CA8: variants seen among roughly 807,000 people sequenced by gnomAD.
CA8 encodes carbonic anhydrase-related protein.
A neutral mutation model predicts 41.4 loss-of-function variants in CA8; 22 were observed. The ratio of observed to expected loss-of-function variants is 0.53; its 90% confidence interval spans 0.38 to 0.76. The LOEUF (loss-of-function observed/expected upper bound fraction) is 0.76, where lower values mean the gene tolerates loss of function less well. CA8 is among the 30% of genes least tolerant of loss of function. The pLI is 0.00. For synonymous variants in CA8, 121 were observed against 130.6 expected (o/e 0.93, Z 0.50); for missense variants, 270 against 352.8 (o/e 0.77, Z 1.88).
At chr8:60,241,988 A>G (rs1214958721) in intron 3 of CA8, among the ~76,000 whole-genome samples, 1 of 152,236 alleles carries the variant, frequency 6.6e-6, no homozygotes, top group Non-Finnish European at 1.5e-5. Context: ...GAGTTCTGAA[A>G]TAATGGCAGC....
intron 2 of CA8, among the ~76,000 whole-genome samples, chr8:60,270,908 A>G (rs919068358): frequency 1.3e-5 from 2 of 152,202 alleles, no homozygotes; most frequent in East Asian, 1.9e-4. Flanking sequence ...GCTTTATTAA[A>G]TATCTTCAGC....
At chr8:60,277,501 G>A (rs950558392) in intron 2 of CA8, among the ~76,000 whole-genome samples, 4 of 152,008 alleles carry the variant, frequency 2.6e-5, no homozygotes, top group Admixed American at 2.6e-4. Context: ...TTACAGGCGT[G>A]TGCCACCATG....
At chr8:60,211,577 AC>A (rs779890226) in intron 7 of CA8, among the ~76,000 whole-genome samples, 57 of 152,150 alleles carry the variant, frequency 3.7e-4, no homozygotes, top group Non-Finnish European at 5.7e-4. Flanking sequence ...CTGGAGATAA[AC>A]CTTTCAAGCC....
chr8:60,277,141 A>G (rs1804264749), intron 2 of CA8, among the ~76,000 whole-genome samples: 1 of 150,424 alleles, frequency 6.6e-6, no homozygotes, highest in African/African-American at 2.5e-5. Context: ...AAAAAAGGAA[A>G]GAAAATTGGC....
At chr8:60,245,317 C>T (rs2130533883) in intron 3 of CA8, among the ~76,000 whole-genome samples, 1 of 152,200 alleles carries the variant, frequency 6.6e-6, no homozygotes, top group African/African-American at 2.4e-5. Context: ...TTTTCTTGCT[C>T]TACAACTAAA....
At chr8:60,277,359 C>CA (rs1804273926) in intron 2 of CA8, among the ~76,000 whole-genome samples, 1 of 146,514 alleles carries the variant, frequency 6.8e-6, no homozygotes, top group Admixed American at 6.8e-5. Flanking sequence ...TATTATTCAC[C>CA]TTTTTTTTTT....
intron 3 of CA8, among the ~76,000 whole-genome samples, chr8:60,254,265 A>C (rs999678080): frequency 6.6e-6 from 1 of 152,162 alleles, no homozygotes; most frequent in African/African-American, 2.4e-5. Context: ...TCCCTCCCTA[A>C]CAGACTCAAA....
intron 2 of CA8, among the ~76,000 whole-genome samples, chr8:60,266,257 C>T (rs1017072923): frequency 6.6e-6 from 1 of 152,108 alleles, no homozygotes; most frequent in Non-Finnish European, 1.5e-5. Flanking sequence ...CATTCAGACA[C>T]GGAAGTTCAA....
At chr8:60,235,961 A>AT (rs1457312518) in intron 3 of CA8, among the ~76,000 whole-genome samples, 1 of 152,212 alleles carries the variant, frequency 6.6e-6, no homozygotes, top group Non-Finnish European at 1.5e-5. Context: ...AAGCTGGAAT[A>AT]TAAGCTAGGA....
intron 8 of CA8, among the ~76,000 whole-genome samples, chr8:60,198,218 T>C (rs1180292171): frequency 6.6e-6 from 1 of 152,180 alleles, no homozygotes; most frequent in Non-Finnish European, 1.5e-5. Context: ...ACTCAACGCA[T>C]CTCAGCCTCA....
rs1378300992 is a variant in CA8 at position 60,194,541 on chromosome 8, TAC to T, written c.*36-4558_*36-4557del. On this transcript the variant is annotated intron_variant, in intron 8 of 8. Transcript: ENST00000317995. Reference sequence around the variant, plus strand: ...ACTCAATTGTGTCTGTGTCCCCAAGTACAGAGTCTCTCTCTTAATCATCTCCA... The same window carrying T: ...ACTCAATTGTGTCTGTGTCCCCAAGTAGAGTCTCTCTCTTAATCATCTCCA... Among the ~76,000 whole-genome samples, 4 of 152,288 alleles carry T rather than the reference TAC, an allele frequency of 2.6e-5. No individual in the cohort carries two copies. In the East Asian group the frequency reaches 5.8e-4, roughly 22 times the overall value.
chr8:60,257,105 G>A (rs1808666738), intron 3 of CA8, among the ~76,000 whole-genome samples: 1 of 152,052 alleles, frequency 6.6e-6, no homozygotes, highest in African/African-American at 2.4e-5. Context: ...TTAGTCTCCG[G>A]TAGCTGGGAC....
chr8:60,253,796 C>T (rs1358915227), intron 3 of CA8, among the ~76,000 whole-genome samples: 93 of 152,210 alleles, frequency 6.1e-4, no homozygotes, highest in Non-Finnish European at 1.9e-4. Context: ...AACTCCTACT[C>T]AGTCATCAAG....
chr8:60,231,175 T>A (rs974954054), intron 4 of CA8, among the ~76,000 whole-genome samples: 3 of 152,174 alleles, frequency 2.0e-5, no homozygotes, highest in African/African-American at 7.2e-5. Context: ...TCATTAATAT[T>A]TTGTGATTTC....
intron 8 of CA8, among the ~76,000 whole-genome samples, chr8:60,196,322 C>T (rs1353143705): frequency 6.6e-6 from 1 of 152,100 alleles, no homozygotes; most frequent in African/African-American, 2.4e-5. Context: ...TTTACCATAG[C>T]TCATGAAATC....
intron 4 of CA8, among the ~76,000 whole-genome samples, chr8:60,230,911 G>C (rs986603856): frequency 3.3e-5 from 5 of 152,102 alleles, no homozygotes; most frequent in Non-Finnish European, 7.4e-5. Context: ...AATATTTATT[G>C]AGTACCAATT....
chr8:60,232,603 A>T (rs576519781), intron 3 of CA8: 24 of 574,974 alleles, frequency 4.2e-5, no homozygotes, highest in Non-Finnish European at 1.9e-5. Flanking sequence ...TCTTAAGTCC[A>T]GTTTTAGTCC....
In CA8 at chr8:60,281,331, G is replaced by A. The variant is rs1281476669; in HGVS notation, c.-184C>T. The A allele has an allele frequency of 8.9e-5, 53 of 594,784 alleles. No homozygotes were observed. Among genetic ancestry groups the A allele is most frequent in the Non-Finnish European group, 1.5e-4 (51 of 334,058 alleles). 36.8% of individuals were successfully genotyped at this position (594,784 alleles called of 1,614,324 possible). On this transcript the variant is annotated 5_prime_UTR_variant, in exon 1 of 9. Coordinates refer to ENST00000317995, the MANE Select transcript of CA8 (RefSeq NM_004056.6). ...GTGCAAGCAGGCGTGCGTTCGGACC[G>A]AGTGTTCCAGAGACCCGCGTGGGAA...
At chr8:60,222,800 G>T in intron 6 of CA8, 39 bp from the exon 7 acceptor site, 1 of 1,244,662 alleles carries the variant, frequency 8.0e-7, no homozygotes, top group South Asian at 1.2e-5. Context: ...AAAGGCAAGT[G>T]AATTAATAAC....
Sources: allele counts gnomAD v4.1 joint callset (sites outside exome capture counted in the v4.1 genomes callset), GRCh38; gene constraint gnomAD v4.1.1; transcripts MANE v1.5; gene names NCBI Gene and HGNC (gene_info 2026-07-23, HGNC 2026-07-21).